Variants in TRIP12 observed in about 807,000 individuals in gnomAD.
TRIP12 encodes thyroid hormone receptor interactor 12.
A neutral mutation model predicts 244.2 loss-of-function variants in TRIP12; 25 were observed. The observed-to-expected ratio is 0.10, with a 90% CI of 0.07 to 0.14. TRIP12 has a LOEUF of 0.14. Among genes scored for constraint, TRIP12 ranks in the 10% least tolerant of loss-of-function variants. The pLI, the probability that TRIP12 is intolerant of heterozygous loss-of-function variation, is 1.00. For missense variants in TRIP12, 1,677 were observed against 2,486.4 expected (o/e 0.67, Z 6.92); for synonymous variants, 905 against 873.1 (o/e 1.04, Z -0.64).
chr2:229,895,201 A>G (rs187059872), intron 1 of TRIP12, among the ~76,000 whole-genome samples: 22 of 152,334 alleles, frequency 1.4e-4, no homozygotes, highest in Non-Finnish European at 2.5e-4. Flanking sequence ...ACCAAACAGA[A>G]TTTCTAACAT....
chr2:229,892,762 G>C (rs915955246), intron 1 of TRIP12, among the ~76,000 whole-genome samples: 3 of 152,006 alleles, frequency 2.0e-5, no homozygotes, highest in Non-Finnish European at 2.9e-5. Context: ...GCGACTTTCG[G>C]GGCTGAGGTG....
intron 1 of TRIP12, among the ~76,000 whole-genome samples, chr2:229,917,734 A>C (rs1226711048): frequency 6.6e-6 from 1 of 152,186 alleles, no homozygotes; most frequent in East Asian, 1.9e-4. Flanking sequence ...AACCCTTCCA[A>C]GCAGGTTGGA....
chr2:229,906,379 T>C (rs1046254861), intron 1 of TRIP12, among the ~76,000 whole-genome samples: 2 of 149,778 alleles, frequency 1.3e-5, no homozygotes, highest in Admixed American at 6.7e-5. Flanking sequence ...AGGTTTTACA[T>C]CTATTTCTGA....
At chr2:229,915,616 T>C (rs2075230649) in intron 1 of TRIP12, among the ~76,000 whole-genome samples, 1 of 27,200 alleles carries the variant, frequency 3.7e-5, no homozygotes, top group Non-Finnish European at 8.5e-5. Context: ...ATTAGTGTCC[T>C]TATAAAAGTT....
Position 229,855,677 on chromosome 2 carries a change from T to A in TRIP12, c.1027+3095A>T, listed in dbSNP as rs141904559. Among the ~76,000 whole-genome samples, 1,081 of 148,216 alleles carry A rather than the reference T, an allele frequency of 7.3e-3. 10 individuals carry two copies. The highest frequency in any genetic ancestry group is 0.026 in the African/African-American group (1,029 of 40,132). ...CACACCTACTACCCCCATCTTCAAA[T>A]CCTAACTCTGCCAAGTATGAGGTAT... On this transcript the variant is annotated intron_variant, in intron 4 of 41. Transcript: ENST00000675903.
At chr2:229,864,045 A>AGAGAGAGAGAGAGAGAGAGAGT (rs1559957254) in intron 2 of TRIP12, among the ~76,000 whole-genome samples, 4 of 67,272 alleles carry the variant, frequency 5.9e-5, no homozygotes, top group East Asian at 1.0e-3. Flanking sequence ...AGAGAGAGAG[A>AGAGAGAGAGAGAGAGAGAGAGT]GAGTGTGTGT....
chr2:229,767,857 T>C, intron 41 of TRIP12, 107 bp from the exon 42 acceptor site: 1 of 1,164,074 alleles, frequency 8.6e-7, no homozygotes, highest in Non-Finnish European at 1.2e-6. Context: ...AAGATATTCT[T>C]TCTTGCTTGG....
rs190712859 is a variant in TRIP12, at chr2:229,827,856, T to C, written c.1450+1337A>G. 7.2e-5 allele frequency among the ~76,000 whole-genome samples: 11 copies of C among 152,328 alleles called. No homozygotes were observed. The East Asian group carries it at 1.9e-3, about 27-fold the overall frequency. ...TCAACAGCTATCATTAGTGTTATTA[T>C]AGTTAGGGTTACCGTATTTTATGTG... On this transcript the variant is annotated intron_variant, in intron 8 of 41. Coordinates refer to ENST00000675903, the MANE Select transcript of TRIP12 (RefSeq NM_001348323.3).
At chr2:229,779,885 G>T (rs948454826) in intron 34 of TRIP12, among the ~76,000 whole-genome samples, 6 of 152,096 alleles carry the variant, frequency 3.9e-5, no homozygotes, top group Admixed American at 3.9e-4. Context: ...CTTCCTTCAC[G>T]ATCTGTCAAG....
chr2:229,792,798 TAAGTTCAATG>T (rs2041885410), intron 27 of TRIP12, among the ~76,000 whole-genome samples, 165 bp downstream of exon 27: 1 of 152,200 alleles, frequency 6.6e-6, no homozygotes, highest in Non-Finnish European at 1.5e-5. Flanking sequence ...CAACCCCTAG[TAAGTTCAATG>T]TATGACTATA....
chr2:229,779,884 C>T (rs985757453), intron 34 of TRIP12, among the ~76,000 whole-genome samples: 1 of 152,166 alleles, frequency 6.6e-6, no homozygotes, highest in African/African-American at 2.4e-5. Context: ...CCTTCCTTCA[C>T]GATCTGTCAA....
In TRIP12 at chr2:229,892,585, T is replaced by C. The variant is rs2067634110; in HGVS notation, c.-49-12457A>G. Among the ~76,000 whole-genome samples the C allele has an allele frequency of 1.3e-5, 2 of 152,024 alleles. 1 individual carries two copies. Among genetic ancestry groups the C allele is most frequent in the South Asian group, 4.1e-4 (2 of 4,824 alleles). On this transcript the variant is annotated intron_variant, in intron 1 of 41. Transcript: ENST00000675903. ...TAATGTGACAAAATACAAAAAAAAT[T>C]AGGTCAGGCACGGTGGCTCACACTT...
rs751260892 is a variant in TRIP12 at position 229,829,177 on chromosome 2, G to T, written c.1450+16C>A. 1.9e-6 allele frequency: 3 copies of T among 1,610,452 alleles called. No homozygotes were observed. In the South Asian group the frequency reaches 3.3e-5, roughly 18 times the overall value. ...TAATTATTGAGGGATTTCAGGGAAG[G>T]AACATTTTTACTTACTAGCTCCACT... On this transcript the variant is annotated intron_variant, in intron 8 of 41. Coordinates refer to ENST00000675903, the MANE Select transcript of TRIP12 (RefSeq NM_001348323.3).
intron 5 of TRIP12, among the ~76,000 whole-genome samples, chr2:229,839,313 T>C (rs2055716952): frequency 6.6e-6 from 1 of 152,208 alleles, no homozygotes; most frequent in Admixed American, 6.5e-5. Context: ...TTGTTTTAAG[T>C]GTTCTCCATG....
At chr2:229,912,438 T>A (rs746393442) in intron 1 of TRIP12, among the ~76,000 whole-genome samples, 8 of 152,192 alleles carry the variant, frequency 5.3e-5, no homozygotes, top group Admixed American at 3.9e-4. Context: ...ATTTAAGAAC[T>A]TCAATAATCT....
At chr2:229,879,019 G>T (rs572531793) in intron 2 of TRIP12, among the ~76,000 whole-genome samples, 1 of 152,086 alleles carries the variant, frequency 6.6e-6, no homozygotes, top group Admixed American at 6.5e-5. Flanking sequence ...TTGGGAGGCC[G>T]AGGCGGGTGA....
At chr2:229,891,347 C>T (rs1212000445) in intron 1 of TRIP12, among the ~76,000 whole-genome samples, 4 of 152,090 alleles carry the variant, frequency 2.6e-5, no homozygotes, top group Admixed American at 1.3e-4. Flanking sequence ...ACTGCTTGAG[C>T]CTGGGAAGTG....
At chr2:229,831,039 A>C in intron 6 of TRIP12, 200 bp from the exon 7 acceptor site, 1 of 693,984 alleles carries the variant, frequency 1.4e-6, no homozygotes, top group Non-Finnish European at 2.6e-6. Context: ...CTATTTTAGT[A>C]TTAAAAAGGT....
Position 229,804,234 on chromosome 2 carries a change from C to A in TRIP12, c.2651-7G>T. 2 of 1,599,412 alleles carry A rather than the reference C, an allele frequency of 1.3e-6. No individual in the cohort carries two copies. Among genetic ancestry groups the A allele is most frequent in the Admixed American group, 3.5e-5 (2 of 56,602 alleles). ...TTTGACTCTGAATATCCACCTATTACATTAAAAAAAAATATATGTGCAATC... is the reference window on the plus strand; with the variant it reads ...TTTGACTCTGAATATCCACCTATTAAATTAAAAAAAAATATATGTGCAATC... On this transcript the variant is annotated splice_polypyrimidine_tract_variant and splice_region_variant and intron_variant, in intron 18 of 41. Transcript: ENST00000675903.
Sources: allele counts gnomAD v4.1 joint callset (sites outside exome capture counted in the v4.1 genomes callset), GRCh38; gene constraint gnomAD v4.1.1; transcripts MANE v1.5; gene names NCBI Gene and HGNC (gene_info 2026-07-23, HGNC 2026-07-21).